MTA3: variants seen among roughly 807,000 people sequenced by gnomAD.
MTA3 encodes the protein metastasis associated 1 family member 3.
Under a neutral mutation model 83.5 loss-of-function variants are expected in MTA3, and 34 were observed. That is an observed-to-expected ratio of 0.41 (90% confidence interval 0.31 to 0.54). The LOEUF (loss-of-function observed/expected upper bound fraction) is 0.54. MTA3 is among the 20% of genes least tolerant of loss of function. MTA3 has a pLI of 0.33. For synonymous variants in MTA3, 303 were observed against 252.7 expected (o/e 1.20, Z -1.89); for missense variants, 761 against 726.4 (o/e 1.05, Z -0.55).
At chr2:42,513,434 G>A (rs981569710) in intron 2 of MTA3, among the ~76,000 whole-genome samples, 1 of 152,140 alleles carries the variant, frequency 6.6e-6, no homozygotes, top group Non-Finnish European at 1.5e-5. Flanking sequence ...ACTAGGAGGT[G>A]CTGGGAAGAA....
At chr2:42,616,844 C>G (rs1185262572) in intron 4 of MTA3, among the ~76,000 whole-genome samples, 2 of 152,104 alleles carry the variant, frequency 1.3e-5, no homozygotes, top group African/African-American at 4.8e-5. Context: ...CTTGGCCTCC[C>G]AAAGTGTTGG....
At chr2:42,504,608 C>T (rs551145267) in intron 2 of MTA3, among the ~76,000 whole-genome samples, 4 of 152,116 alleles carry the variant, frequency 2.6e-5, no homozygotes, top group African/African-American at 9.6e-5. Flanking sequence ...ATACTTATGA[C>T]ACCATCTCAC....
intron 4 of MTA3, among the ~76,000 whole-genome samples, chr2:42,639,671 T>A (rs964774908): frequency 1.3e-5 from 2 of 152,230 alleles, no homozygotes; most frequent in African/African-American, 4.8e-5. Context: ...TCAATATAGA[T>A]GAATTAGTTA....
chr2:42,630,175 T>C (rs1029755205), intron 4 of MTA3, among the ~76,000 whole-genome samples: 2 of 152,216 alleles, frequency 1.3e-5, no homozygotes, highest in African/African-American at 4.8e-5. Flanking sequence ...TGATCTCTGA[T>C]ACTAGAATCA....
chr2:42,718,482 G>A (rs1667182743), intron 14 of MTA3, among the ~76,000 whole-genome samples: 1 of 151,724 alleles, frequency 6.6e-6, no homozygotes, highest in Non-Finnish European at 1.5e-5. Flanking sequence ...CTGGCCTCAG[G>A]TGATCTACCC....
chr2:42,599,887 T>G (rs1682338492), intron 3 of MTA3, among the ~76,000 whole-genome samples: 1 of 152,140 alleles, frequency 6.6e-6, no homozygotes. Flanking sequence ...GTTTTCCATT[T>G]CAAGACTTTT....
rs80026960 is a variant in MTA3 at position 42,714,344 on chromosome 2, C to T, written c.1526-4644C>T. Among the ~76,000 whole-genome samples, 1,060 of 151,576 alleles carry T rather than the reference C, an allele frequency of 7.0e-3. 8 individuals carry two copies. Among genetic ancestry groups the T allele is most frequent in the African/African-American group, 0.023 (960 of 41,236 alleles). ...TCTCTTTGACTTTATGGTGTATTTGCCAAGCAGATTTTTTTTTAAAAAAAG... is the reference window on the plus strand; with the variant it reads ...TCTCTTTGACTTTATGGTGTATTTGTCAAGCAGATTTTTTTTTAAAAAAAG... On this transcript the variant is annotated intron_variant, in intron 14 of 16. Transcript: ENST00000405094.
chr2:42,756,405 C>CA lies in MTA3; in HGVS notation c.*3007dup. ...AAGCAGCTGCCCTGGGAGCCTGGGA[C>CA]AGGCGACCCACCGGGTCAGTCCCCT... is the stretch of plus-strand genomic sequence containing the variant. On this transcript the variant is annotated 3_prime_UTR_variant, in exon 17 of 17. Transcript: ENST00000405094. 1.1e-6 allele frequency: 1 copy of CA among 950,502 alleles called. No individual in the cohort carries two copies. The highest frequency in any genetic ancestry group is 1.3e-6 in the Non-Finnish European group (1 of 798,138). 58.9% of individuals were successfully genotyped at this position (950,502 alleles called of 1,614,324 possible).
At chr2:42,591,283 T>A (rs1053368624) in intron 3 of MTA3, among the ~76,000 whole-genome samples, 1 of 152,136 alleles carries the variant, frequency 6.6e-6, no homozygotes, top group Non-Finnish European at 1.5e-5. Flanking sequence ...AAAAATGCAG[T>A]AGAAAGGATA....
intron 3 of MTA3, chr2:42,582,058 T>A (rs1481203783): frequency 1.3e-5 from 2 of 152,600 alleles, no homozygotes; most frequent in Non-Finnish European, 2.9e-5. Flanking sequence ...CAATATGAGA[T>A]ATTTTATCTT....
intron 4 of MTA3, among the ~76,000 whole-genome samples, chr2:42,630,835 C>T (rs1051279476): frequency 2.6e-5 from 4 of 152,094 alleles, no homozygotes; most frequent in Non-Finnish European, 4.4e-5. Flanking sequence ...TTGGTCAAAG[C>T]AGGGAGGTTC....
intron 3 of MTA3, among the ~76,000 whole-genome samples, chr2:42,598,762 A>G (rs1447623648): frequency 6.6e-6 from 1 of 152,126 alleles, no homozygotes; most frequent in African/African-American, 2.4e-5. Context: ...TCCTGTGTTG[A>G]GGGTTTTTGT....
At chr2:42,655,080 A>G (rs1689050972) in intron 6 of MTA3, among the ~76,000 whole-genome samples, 1 of 152,158 alleles carries the variant, frequency 6.6e-6, no homozygotes, top group South Asian at 2.1e-4. Flanking sequence ...AGGAACTCTT[A>G]AAGGAGGCTG....
At chr2:42,704,383 C>T in intron 12 of MTA3, 65 bp downstream of exon 12, 1 of 1,596,088 alleles carries the variant, frequency 6.3e-7, no homozygotes, top group Non-Finnish European at 8.5e-7. Context: ...GTGTGAGCGT[C>T]TGGGAAGTGC....
At chr2:42,698,462 T>A (rs1184092036) in intron 11 of MTA3, 4 of 152,070 alleles carry the variant, frequency 2.6e-5, no homozygotes, top group African/African-American at 9.7e-5. Flanking sequence ...TTGGGGAACC[T>A]CGTTTCTGCA....
intron 6 of MTA3, among the ~76,000 whole-genome samples, chr2:42,648,864 A>T (rs1214319833): frequency 6.6e-6 from 1 of 152,232 alleles, no homozygotes; most frequent in Admixed American, 6.5e-5. Flanking sequence ...TTAAACGAAA[A>T]TGACTCTAGG....
chr2:42,608,434 A>T (rs1257653968), intron 3 of MTA3, among the ~76,000 whole-genome samples: 1 of 152,176 alleles, frequency 6.6e-6, no homozygotes. Context: ...TCTTGCTTTG[A>T]GCTAGGTGCA....
chr2:42,515,920 C>A (rs1438507441), intron 2 of MTA3, among the ~76,000 whole-genome samples: 3 of 150,594 alleles, frequency 2.0e-5, no homozygotes, highest in Non-Finnish European at 1.5e-5. Flanking sequence ...GGCTCACTGC[C>A]AGCTCTGCCT....
chr2:42,678,916 A>G (rs1328354282), intron 8 of MTA3, among the ~76,000 whole-genome samples: 1 of 152,170 alleles, frequency 6.6e-6, no homozygotes, highest in Admixed American at 6.5e-5. Flanking sequence ...CTTAAAAGCT[A>G]TTTTAAAAAA....
Sources: allele counts gnomAD v4.1 joint callset (sites outside exome capture counted in the v4.1 genomes callset), GRCh38; gene constraint gnomAD v4.1.1; transcripts MANE v1.5; gene names NCBI Gene and HGNC (gene_info 2026-07-23, HGNC 2026-07-21).